Variants in NME7 observed in about 807,000 individuals in gnomAD.
NME7 encodes the protein NME/NM23 family member 7, also known as nucleoside diphosphate kinase 7.
NME7 carries 41 observed loss-of-function variants against 49.1 expected under a neutral mutation model. The ratio of observed to expected loss-of-function variants is 0.83; its 90% confidence interval spans 0.65 to 1.08. NME7 has a LOEUF of 1.08. Among genes scored for constraint, NME7 ranks in the 50% least tolerant of loss-of-function variants. The pLI is 0.00. For synonymous variants in NME7, 139 were observed against 150.6 expected (o/e 0.92, Z 0.56); for missense variants, 423 against 463.4 (o/e 0.91, Z 0.80).
At chr1:169,331,174 C>A (rs541729232) in intron 1 of NME7, among the ~76,000 whole-genome samples, 75 of 152,072 alleles carry the variant, frequency 4.9e-4, no homozygotes, top group African/African-American at 1.8e-3. Flanking sequence ...GCAAATCAAT[C>A]AATGTGATAT....
chr1:169,232,496 T>A (rs1458909040), intron 9 of NME7, among the ~76,000 whole-genome samples: 1 of 150,454 alleles, frequency 6.6e-6, no homozygotes, highest in Non-Finnish European at 1.5e-5. Flanking sequence ...TACATTAGGA[T>A]GCAAAATAAT....
chr1:169,145,267 G>A (rs1223516556), intron 11 of NME7, among the ~76,000 whole-genome samples: 2 of 152,258 alleles, frequency 1.3e-5, no homozygotes, highest in Non-Finnish European at 1.5e-5. Context: ...TAACTCTAAG[G>A]TTGGTACCAA....
intron 6 of NME7, among the ~76,000 whole-genome samples, chr1:169,292,042 A>T (rs549288974): frequency 3.9e-5 from 6 of 152,256 alleles, no homozygotes; most frequent in African/African-American, 1.4e-4. Context: ...TGACCCAGAT[A>T]TATATATTCA....
chr1:169,206,919 TATTC>T (rs1420749723), intron 10 of NME7, among the ~76,000 whole-genome samples: 1 of 152,200 alleles, frequency 6.6e-6, no homozygotes, highest in Non-Finnish European at 1.5e-5. Context: ...GGAATTCTAA[TATTC>T]AGTCAGATAT....
chr1:169,299,245 C>T (rs1173996889), intron 5 of NME7, among the ~76,000 whole-genome samples: 1 of 150,506 alleles, frequency 6.6e-6, no homozygotes, highest in African/African-American at 2.4e-5. Flanking sequence ...CTCTCTTAAT[C>T]AATAAACACT....
intron 7 of NME7, among the ~76,000 whole-genome samples, chr1:169,281,851 A>C (rs1650029286): frequency 6.6e-6 from 1 of 152,182 alleles, no homozygotes; most frequent in Admixed American, 6.5e-5. Context: ...TCGGTTTGCC[A>C]GTATTTTATT....
At chr1:169,323,599 A>G (rs773217190) in intron 2 of NME7, among the ~76,000 whole-genome samples, 4 of 152,110 alleles carry the variant, frequency 2.6e-5, no homozygotes, top group Non-Finnish European at 5.9e-5. Context: ...CATACACCCA[A>G]ATTTCTGCTT....
At chr1:169,247,175 G>T in intron 7 of NME7, 1 of 432,042 alleles carries the variant, frequency 2.3e-6, no homozygotes, top group Non-Finnish European at 4.6e-6. Context: ...AATAAAGTAC[G>T]GTACTGAGTA....
chr1:169,168,965 T>A (rs1659496979), intron 11 of NME7: 2 of 442,440 alleles, frequency 4.5e-6, no homozygotes, highest in Non-Finnish European at 9.0e-6. Context: ...AAGGGTCAAC[T>A]GTATGTATTT....
intron 1 of NME7, among the ~76,000 whole-genome samples, chr1:169,367,118 A>G (rs1166850628): frequency 6.6e-6 from 1 of 150,896 alleles, no homozygotes; most frequent in Non-Finnish European, 1.5e-5. Flanking sequence ...AAGCTCTCCA[A>G]GCAATCCCAG....
chr1:169,344,424 T>C (rs751670330), intron 1 of NME7, among the ~76,000 whole-genome samples: 1 of 152,142 alleles, frequency 6.6e-6, no homozygotes, highest in Non-Finnish European at 1.5e-5. Context: ...CAGTGTTGTA[T>C]AAAATTGTGA....
At chr1:169,210,883 C>A (rs969935143) in intron 10 of NME7, among the ~76,000 whole-genome samples, 1 of 152,074 alleles carries the variant, frequency 6.6e-6, no homozygotes, top group African/African-American at 2.4e-5. Context: ...GGCTTCCTTC[C>A]CCTTTGTTTG....
intron 7 of NME7, among the ~76,000 whole-genome samples, chr1:169,255,534 C>T: frequency 1.6e-5 from 2 of 125,564 alleles, no homozygotes; most frequent in Non-Finnish European, 3.5e-5. Flanking sequence ...CAGTCTGTGT[C>T]TTTTAATTGC....
At chr1:169,240,108 T>G (rs1022301533) in intron 7 of NME7, among the ~76,000 whole-genome samples, 1 of 151,164 alleles carries the variant, frequency 6.6e-6, no homozygotes, top group African/African-American at 2.4e-5. Context: ...AGTGGTAGTT[T>G]CTTAGCCTTT....
chr1:169,287,435 C>G, intron 6 of NME7, 27 bp from the exon 7 acceptor site: 2 of 1,450,106 alleles, frequency 1.4e-6, no homozygotes, highest in Non-Finnish European at 1.9e-6. Context: ...ATGATTTTGA[C>G]AAATGTGATC....
At chr1:169,249,769 A>T (rs918842067) in intron 7 of NME7, among the ~76,000 whole-genome samples, 4 of 151,988 alleles carry the variant, frequency 2.6e-5, no homozygotes, top group African/African-American at 9.7e-5. Context: ...CTTTTATCAG[A>T]TGTATCCCAT....
intron 7 of NME7, among the ~76,000 whole-genome samples, chr1:169,283,353 T>C (rs1285814446): frequency 1.3e-5 from 2 of 152,188 alleles, no homozygotes; most frequent in East Asian, 3.8e-4. Flanking sequence ...GCAAGTGAGA[T>C]GGGTCTCCTG....
intron 10 of NME7, among the ~76,000 whole-genome samples, chr1:169,218,137 G>A (rs1249414614): frequency 1.3e-5 from 2 of 152,064 alleles, no homozygotes; most frequent in African/African-American, 2.4e-5. Flanking sequence ...TCTGCTGGTG[G>A]CTTAACTGCT....
chr1:169,283,254 G>A (rs1051530343), intron 7 of NME7, among the ~76,000 whole-genome samples: 2 of 152,128 alleles, frequency 1.3e-5, no homozygotes, highest in South Asian at 4.2e-4. Flanking sequence ...TTTTATCAGA[G>A]ATTCGGATTA....
Sources: allele counts gnomAD v4.1 joint callset (sites outside exome capture counted in the v4.1 genomes callset), GRCh38; gene constraint gnomAD v4.1.1; transcripts MANE v1.5; gene names NCBI Gene and HGNC (gene_info 2026-07-23, HGNC 2026-07-21).